PAK1: variants seen among roughly 807,000 people sequenced by gnomAD.
PAK1 encodes serine/threonine-protein kinase PAK 1.
A neutral mutation model predicts 67.4 loss-of-function variants in PAK1; 29 were observed. That is an observed-to-expected ratio of 0.43 (90% CI 0.32 to 0.59). PAK1 has a LOEUF of 0.59. PAK1 is among the 20% of genes least tolerant of loss of function. The probability of loss-of-function intolerance (pLI) is 0.07; values close to 1 mark genes in which losing one functional copy is unlikely to be tolerated. For missense variants in PAK1, 337 were observed against 670.7 expected, an observed-to-expected ratio of 0.50 and a Z score of 5.50; for synonymous variants, 223 against 237.4, an observed-to-expected ratio of 0.94 and a Z score of 0.56.
At chr11:77,429,087 A>AC (rs1955733153) in intron 1 of PAK1, among the ~76,000 whole-genome samples, 3 of 102,752 alleles carry the variant, frequency 2.9e-5, no homozygotes, top group East Asian at 3.8e-4. Context: ...AAAAAAAAAA[A>AC]AAAAAAACAC....
Position 77,353,584 on chromosome 11 carries a change from A to G in PAK1, c.788T>C (p.Val263Ala). ...TGTATATTTCTTCTTAGGATCGCCC[A>G]CACTCACTATGCTTCCTTTGAAAGA... ...ILEKLRSIVS[V>A]GDPKKKYTRF... The change falls in exon 8 of 15, where the codon GTG (valine) becomes GCG (alanine). Residue 263 changes from valine (V) to alanine (A), a missense_variant. Physicochemically the swap from Val to Ala is moderately conservative, Grantham distance 64. This residue lies in a region of PAK1 where 150 missense variants were observed against 179.0 expected (regional missense o/e 0.84). Coordinates refer to ENST00000356341, the MANE Select transcript of PAK1 (RefSeq NM_002576.5). 6.2e-7 allele frequency: 1 copy of G among 1,609,832 alleles called. No homozygotes were observed. Among genetic ancestry groups the G allele is most frequent in the South Asian group, 1.1e-5 (1 of 90,990 alleles).
chr11:77,361,318 G>A (rs889588731), intron 5 of PAK1, among the ~76,000 whole-genome samples: 11 of 152,156 alleles, frequency 7.2e-5, no homozygotes, highest in African/African-American at 2.7e-4. Flanking sequence ...GATATTCCTA[G>A]CAGATGGAAG....
At chr11:77,450,590 C>T (rs1349720030) in intron 1 of PAK1, among the ~76,000 whole-genome samples, 1 of 152,150 alleles carries the variant, frequency 6.6e-6, no homozygotes, top group Non-Finnish European at 1.5e-5. Context: ...ATTTATGGAA[C>T]TCTATGGGCC....
At chr11:77,476,930 C>T (rs1958066408), upstream of PAK1, 1 of 151,922 alleles carries the variant, frequency 6.6e-6, no homozygotes, top group Non-Finnish European at 1.5e-5. Flanking sequence ...TGCTGTGAGC[C>T]GAGATTGCGC....
At chr11:77,504,615 A>T in the PAK1 span, among the ~76,000 whole-genome samples, 3 of 152,342 alleles carry the variant, frequency 2.0e-5, no homozygotes, top group East Asian at 5.8e-4. Flanking sequence ...TTGTGTGAGA[A>T]TGAGACTGAA....
chr11:77,397,281 T>G (rs1018629558), intron 1 of PAK1: 3 of 152,226 alleles, frequency 2.0e-5, no homozygotes, highest in East Asian at 3.8e-4. Context: ...GCATTAATTA[T>G]GAATCAACTG....
intron 10 of PAK1, 97 bp from the exon 11 acceptor site, chr11:77,340,860 T>G: frequency 2.6e-6 from 2 of 763,564 alleles, no homozygotes; most frequent in Non-Finnish European, 4.8e-6. Flanking sequence ...AGAGTGAAAC[T>G]ACGTCTTAGC....
intron 1 of PAK1, among the ~76,000 whole-genome samples, chr11:77,471,899 G>A (rs980843522): frequency 2.0e-5 from 3 of 152,102 alleles, no homozygotes; most frequent in Non-Finnish European, 4.4e-5. Flanking sequence ...TTATGGATGA[G>A]GCAGGTCACC....
At chr11:77,489,950 C>G in the PAK1 span, among the ~76,000 whole-genome samples, 117,824 of 150,676 alleles carry the variant, frequency 0.78, 47,241 homozygotes, top group African/African-American at 0.95. Context: ...CAGCTGCCCA[C>G]TCTGGAAAGT....
the PAK1 span, among the ~76,000 whole-genome samples, chr11:77,518,607 A>T: frequency 2.0e-5 from 3 of 152,028 alleles, no homozygotes; most frequent in African/African-American, 7.3e-5. Context: ...CAAAAATGAG[A>T]TGTGTGAGAG....
At chr11:77,338,696 G>A (rs942740481) in intron 11 of PAK1, among the ~76,000 whole-genome samples, 9 of 151,986 alleles carry the variant, frequency 5.9e-5, no homozygotes, top group African/African-American at 1.2e-4. Context: ...TATAACAGCC[G>A]AAAACAGAAA....
chr11:77,513,077 G>A, the PAK1 span, among the ~76,000 whole-genome samples: 1 of 152,318 alleles, frequency 6.6e-6, no homozygotes, highest in East Asian at 1.9e-4. Context: ...GCGATGGACT[G>A]AGACCCTGTC....
At position 77,387,370 on chromosome 11, in the gene PAK1, C is replaced by A. The variant is rs541967090; in HGVS notation, c.190+4961G>T. Among the ~76,000 whole-genome samples the A allele has an allele frequency of 3.3e-4, 50 of 152,276 alleles. 1 individual carries two copies. The highest frequency in any genetic ancestry group is 1.2e-3 in the African/African-American group (49 of 41,568). On this transcript the variant is annotated intron_variant, in intron 2 of 14. Coordinates refer to ENST00000356341, the MANE Select transcript of PAK1 (RefSeq NM_002576.5). ...TTACAGGCGTGAGCCACTTGCACCC[C>A]GCCCTGTATTTTTTAAAAGCACCAT...
chr11:77,398,746 T>C (rs545433225), intron 1 of PAK1, among the ~76,000 whole-genome samples: 56 of 152,230 alleles, frequency 3.7e-4, no homozygotes, highest in Non-Finnish European at 5.9e-4. Flanking sequence ...TAGTTTTTTG[T>C]TTGTTTGTTT....
chr11:77,440,543 A>C (rs1956310172), intron 1 of PAK1, among the ~76,000 whole-genome samples: 1 of 152,358 alleles, frequency 6.6e-6, no homozygotes, highest in East Asian at 1.9e-4. Context: ...ACTTGCCCAT[A>C]GTCACACAGG....
chr11:77,433,596 G>A (rs945134046), intron 1 of PAK1, among the ~76,000 whole-genome samples: 5 of 152,042 alleles, frequency 3.3e-5, no homozygotes, highest in Non-Finnish European at 5.9e-5. Flanking sequence ...TGGCTAACAC[G>A]GTGAAACCCT....
intron 1 of PAK1, among the ~76,000 whole-genome samples, chr11:77,400,780 A>T (rs1165104783): frequency 1.3e-5 from 2 of 152,222 alleles, no homozygotes; most frequent in East Asian, 3.8e-4. Flanking sequence ...AAAACTTGGA[A>T]ATCTATTTGG....
chr11:77,336,512 T>C (rs1942719109), intron 12 of PAK1, among the ~76,000 whole-genome samples: 1 of 152,194 alleles, frequency 6.6e-6, no homozygotes, highest in South Asian at 2.1e-4. Context: ...ATCTCTGGCC[T>C]CCTACTTCTC....
intron 2 of PAK1, among the ~76,000 whole-genome samples, chr11:77,381,869 T>C (rs1949881840): frequency 6.6e-6 from 1 of 152,180 alleles, no homozygotes; most frequent in African/African-American, 2.4e-5. Flanking sequence ...TTTATGCACT[T>C]GGCAATTTCC....
Sources: gnomAD v4.1 joint callset for allele counts (sites outside exome capture counted in the v4.1 genomes callset) on GRCh38, gnomAD v4.1.1 for gene constraint, gnomAD v4.1.1 regional missense constraint, MANE v1.5 for transcripts, NCBI Gene and HGNC (gene_info 2026-07-23, HGNC 2026-07-21) for gene names.